Variants in RIMS2 observed in about 807,000 individuals in gnomAD.
The protein encoded by RIMS2 is regulating synaptic membrane exocytosis protein 2.
In RIMS2, 59 loss-of-function variants were observed where a neutral mutation model predicts 174.4. The ratio of observed to expected loss-of-function variants is 0.34; its 90% confidence interval spans 0.27 to 0.42. RIMS2 has a LOEUF of 0.42. Among genes scored for constraint, RIMS2 ranks in the 10% least tolerant of loss-of-function variants. The pLI, the probability that RIMS2 is intolerant of heterozygous loss-of-function variation, is 1.00. For synonymous variants in RIMS2, 606 were observed against 572.5 expected (o/e 1.06, Z -0.84); for missense variants, 1,620 against 1,666.3 (o/e 0.97, Z 0.48).
intron 3 of RIMS2, among the ~76,000 whole-genome samples, chr8:103,825,184 A>G (rs1300666184): frequency 6.6e-6 from 1 of 152,130 alleles, no homozygotes; most frequent in Non-Finnish European, 1.5e-5. Flanking sequence ...CCTAGTGTAG[A>G]TTAGTTTTGC....
intron 4 of RIMS2, among the ~76,000 whole-genome samples, chr8:103,904,444 T>G (rs929789518): frequency 2.0e-5 from 3 of 152,070 alleles, no homozygotes; most frequent in African/African-American, 7.2e-5. Context: ...AGCTGTTGGA[T>G]TTTTATTGTT....
intron 1 of RIMS2, among the ~76,000 whole-genome samples, chr8:103,517,638 A>G (rs559626005): frequency 3.9e-4 from 59 of 152,322 alleles, no homozygotes; most frequent in African/African-American, 1.3e-3. Context: ...GGTATGTATT[A>G]ACATGGTCCT....
intron 1 of RIMS2, among the ~76,000 whole-genome samples, chr8:103,506,075 T>C (rs1428133889): frequency 1.3e-5 from 2 of 152,124 alleles, no homozygotes; most frequent in Non-Finnish European, 2.9e-5. Flanking sequence ...ACCAATTGAA[T>C]CATGAATACT....
At chr8:104,223,915 C>A in intron 19 of RIMS2, 1 of 788,110 alleles carries the variant, frequency 1.3e-6, no homozygotes, top group Non-Finnish European at 2.0e-6. Context: ...CTCTCCGGGA[C>A]TGTGCCGGGG....
At chr8:103,862,777 T>C (rs1014676290) in intron 3 of RIMS2, among the ~76,000 whole-genome samples, 2 of 152,156 alleles carry the variant, frequency 1.3e-5, no homozygotes, top group Non-Finnish European at 2.9e-5. Flanking sequence ...CTTGAGGTGA[T>C]AATTTGTGTA....
intron 19 of RIMS2, among the ~76,000 whole-genome samples, chr8:104,032,920 C>G (rs2096430796): frequency 6.6e-6 from 1 of 151,856 alleles, no homozygotes; most frequent in African/African-American, 2.4e-5. Flanking sequence ...TACCCTCACA[C>G]AGCATATTAT....
At chr8:104,087,108 ACTAAACT>A (rs959743569) in intron 19 of RIMS2, among the ~76,000 whole-genome samples, 3 of 152,148 alleles carry the variant, frequency 2.0e-5, no homozygotes, top group Non-Finnish European at 2.9e-5. Context: ...TAATTAGGTG[ACTAAACT>A]CTATACAGCT....
intron 1 of RIMS2, among the ~76,000 whole-genome samples, chr8:103,512,405 C>A (rs1826961467): frequency 6.6e-6 from 1 of 152,134 alleles, no homozygotes; most frequent in African/African-American, 2.4e-5. Flanking sequence ...AGGTTTATTT[C>A]TTTTTGGCGT....
chr8:104,227,278 G>GTTT (rs60840616), intron 19 of RIMS2, among the ~76,000 whole-genome samples: 1 of 131,972 alleles, frequency 7.6e-6, no homozygotes, highest in Non-Finnish European at 1.6e-5. Flanking sequence ...AATCTCTGAG[G>GTTT]TTTTTTTTTT....
chr8:103,608,435 C>A, intron 1 of RIMS2, among the ~76,000 whole-genome samples: 1 of 144,294 alleles, frequency 6.9e-6, no homozygotes, highest in African/African-American at 2.7e-5. Context: ...GAGGTTACTG[C>A]TGTCTTTTTG....
chr8:104,194,389 A>G (rs1273451197), intron 19 of RIMS2, among the ~76,000 whole-genome samples: 1 of 152,204 alleles, frequency 6.6e-6, no homozygotes, highest in Non-Finnish European at 1.5e-5. Context: ...GGTGATTTAT[A>G]ATCAATGATA....
chr8:103,545,113 A>G (rs1844395406), intron 1 of RIMS2, among the ~76,000 whole-genome samples: 1 of 152,250 alleles, frequency 6.6e-6, no homozygotes, highest in South Asian at 2.1e-4. Context: ...TTCAGGAGAA[A>G]GATGAAACTC....
chr8:103,541,702 T>A (rs1842671413), intron 1 of RIMS2, among the ~76,000 whole-genome samples: 1 of 152,178 alleles, frequency 6.6e-6, no homozygotes, highest in African/African-American at 2.4e-5. Flanking sequence ...ATAGCTTTAG[T>A]TATGAAGGTT....
At chr8:103,529,803 C>A (rs564355846) in intron 1 of RIMS2, among the ~76,000 whole-genome samples, 1 of 152,270 alleles carries the variant, frequency 6.6e-6, no homozygotes, top group Admixed American at 6.5e-5. Context: ...CTTACAATAT[C>A]CAATGTAGAT....
intron 19 of RIMS2, among the ~76,000 whole-genome samples, chr8:104,118,208 T>G (rs1046168645): frequency 2.6e-5 from 4 of 152,064 alleles, no homozygotes; most frequent in Non-Finnish European, 5.9e-5. Context: ...ATATTTTATA[T>G]AGTGTGAGAT....
intron 15 of RIMS2, among the ~76,000 whole-genome samples, chr8:103,964,037 G>C (rs189788335): frequency 1.3e-5 from 2 of 152,080 alleles, no homozygotes; most frequent in Admixed American, 6.5e-5. Context: ...ATATTCCATT[G>C]TCTGGATATA....
intron 3 of RIMS2, among the ~76,000 whole-genome samples, chr8:103,829,284 C>G (rs970138040): frequency 1.3e-5 from 2 of 152,124 alleles, no homozygotes; most frequent in Non-Finnish European, 1.5e-5. Context: ...TGTTTATACA[C>G]TGTTGTTGGG....
chr8:104,182,293 G>A (rs977114298), intron 19 of RIMS2, among the ~76,000 whole-genome samples: 5 of 151,684 alleles, frequency 3.3e-5, no homozygotes, highest in South Asian at 2.1e-4. Context: ...AATCTGTCAC[G>A]GAAATATAAT....
chr8:104,248,726 G>A, exon 21 of RIMS2: 1 of 1,610,838 alleles, frequency 6.2e-7, no homozygotes, highest in South Asian at 1.1e-5. Context: ...TGTTCGCTTG[G>A]CCTCTGATAG....
Sources: allele counts gnomAD v4.1 joint callset (sites outside exome capture counted in the v4.1 genomes callset), GRCh38; gene constraint gnomAD v4.1.1; transcripts MANE v1.5; gene names NCBI Gene and HGNC (gene_info 2026-07-23, HGNC 2026-07-21).